Variants in KBTBD11 observed in about 807,000 individuals in gnomAD.
KBTBD11 encodes kelch repeat and BTB domain containing 11, also known as kelch repeat and BTB domain-containing protein 11.
For synonymous variants in KBTBD11, 747 were observed against 499.0 expected (o/e 1.50, Z -6.63); for missense variants, 1,390 against 1,001.8 (o/e 1.39, Z -5.23).
chr8:1,985,692 C>A (rs533158111), intron 1 of KBTBD11, among the ~76,000 whole-genome samples: 7 of 152,386 alleles, frequency 4.6e-5, no homozygotes, highest in Non-Finnish European at 1.0e-4. Flanking sequence ...GGTGCATTGG[C>A]TCATGCCTGT....
rs1817348042 is a variant in KBTBD11 at position 2,001,424 on chromosome 8, T to C, written c.232T>C (p.Trp78Arg). ...SGGPRVVERQWEAGSAGAASP... is the reference protein window; with the variant it reads ...SGGPRVVERQREAGSAGAASP... The stretch of plus-strand genomic sequence containing the variant: ...TGGCCCGCGGGTGGTGGAGCGGCAG[T>C]GGGAGGCCGGCAGCGCGGGCGCCGC... Residue 78 changes from tryptophan to arginine, a missense_variant, in exon 2 of 2, where the codon TGG becomes CGG. By Grantham distance (101) the Trp-to-Arg change is moderately radical. Transcript: ENST00000320248. 1 of 1,365,122 alleles carries C rather than the reference T, an allele frequency of 7.3e-7. No homozygotes were observed. The highest frequency in any genetic ancestry group is 9.4e-7 in the Non-Finnish European group (1 of 1,066,502). The allele number at this position is 1,365,122 out of a possible 1,614,324, so 84.6% of individuals were successfully genotyped here. A position where few individuals can be genotyped will look rare whatever the true frequency, so the allele number is the denominator to read the frequency against.
At chr8:1,996,711 A>G (rs1817155162) in intron 1 of KBTBD11, among the ~76,000 whole-genome samples, 5 of 152,210 alleles carry the variant, frequency 3.3e-5, no homozygotes, top group Admixed American at 3.3e-4. Context: ...AAAATAGAGC[A>G]TGATATTTTA....
rs1019567951 is a variant in KBTBD11 at position 2,006,410 on chromosome 8, C to G, written c.*3346C>G. On this transcript the variant is annotated 3_prime_UTR_variant, in exon 2 of 2. Transcript: ENST00000320248. ...TAATTTTAGATGCTTTCCTAGCTTA[C>G]AAAAAGTTCTGTTTTTGGGTTAAAA... 1 of 166,954 alleles carries G rather than the reference C, an allele frequency of 6.0e-6. No individual in the cohort carries two copies. The highest frequency in any genetic ancestry group is 1.5e-5 in the Non-Finnish European group (1 of 68,122). 10.3% of individuals were successfully genotyped at this position (166,954 alleles called of 1,614,324 possible).
At position 2,001,718 on chromosome 8, in the gene KBTBD11, G is replaced by C. The variant is rs763137446; in HGVS notation, c.526G>C (p.Val176Leu). 14 of 1,413,678 alleles carry C rather than the reference G, an allele frequency of 9.9e-6. No homozygotes were observed. Among genetic ancestry groups the C allele is most frequent in the Admixed American group, 2.9e-5 (1 of 34,578 alleles). 87.6% of individuals were successfully genotyped at this position (1,413,678 alleles called of 1,614,324 possible). A position where few individuals can be genotyped will look rare whatever the true frequency, so the allele number is the denominator to read the frequency against. ...RARASRDVLR[V>L]QGVSLTALRL... ...GCGCGCGTCGCGGGACGTGCTGCGG[G>C]TGCAGGGAGTGAGCCTGACGGCGCT... The change falls in exon 2 of 2, where the codon GTG becomes CTG. Residue 176 changes from valine (V) to leucine (L), a missense_variant. By Grantham distance (32) the Val-to-Leu change is conservative. Transcript: ENST00000320248.
chr8:1,997,601 G>A (rs955316892), intron 1 of KBTBD11, among the ~76,000 whole-genome samples: 3 of 152,216 alleles, frequency 2.0e-5, no homozygotes, highest in African/African-American at 4.8e-5. Context: ...GAGGGGCGGC[G>A]GAGGGCTCCC....
chr8:1,975,479 G>T (rs1264172896), intron 1 of KBTBD11, among the ~76,000 whole-genome samples: 1 of 152,226 alleles, frequency 6.6e-6, no homozygotes, highest in African/African-American at 2.4e-5. Context: ...ATTGCCTGCG[G>T]TATTGTGCAC....
Position 2,004,388 on chromosome 8 carries a change from AT to A in KBTBD11, c.*1327del, listed in dbSNP as rs1382260250. On this transcript the variant is annotated 3_prime_UTR_variant, in exon 2 of 2. Transcript: ENST00000320248. ...TCCATGCTCACAAATAGAGGCGAAC[AT>A]TTGAACTCCGAATCCAACCCATTTT... 6.0e-6 allele frequency: 1 copy of A among 166,890 alleles called. No homozygotes were observed. The highest frequency in any genetic ancestry group is 2.4e-5 in the African/African-American group (1 of 41,456). The allele number at this position is 166,890 out of a possible 1,614,324, so 10.3% of individuals were successfully genotyped here.
intron 1 of KBTBD11, among the ~76,000 whole-genome samples, chr8:1,992,095 C>A (rs1370959536): frequency 6.6e-6 from 1 of 152,058 alleles, no homozygotes; most frequent in Non-Finnish European, 1.5e-5. Flanking sequence ...CTGTTGCCAC[C>A]CAGGACACGC....
In KBTBD11 at chr8:2,006,671, A is replaced by C. The variant is rs1336812519; in HGVS notation, c.*3607A>C. ...CGCCAAGTGGATGGATTTGGATTGA[A>C]CGCATATGAAACAGGAGACGGGTTC... On this transcript the variant is annotated 3_prime_UTR_variant, in exon 2 of 2. Coordinates refer to ENST00000320248, the MANE Select transcript of KBTBD11 (RefSeq NM_014867.3). 4 of 167,084 alleles carry C rather than the reference A, an allele frequency of 2.4e-5. No individual in the cohort carries two copies. Among genetic ancestry groups the C allele is most frequent in the Non-Finnish European group, 4.4e-5 (3 of 68,122 alleles). The allele number at this position is 167,084 out of a possible 1,614,324, so 10.4% of individuals were successfully genotyped here.
rs972305843 is a variant in KBTBD11 at position 2,001,354 on chromosome 8, C to T, written c.162C>T (p.Leu54=). 4 of 1,494,252 alleles carry T rather than the reference C, an allele frequency of 2.7e-6. No individual in the cohort carries two copies. The highest frequency in any genetic ancestry group is 4.2e-5 in the Admixed American group (2 of 47,174). The allele number at this position is 1,494,252 out of a possible 1,614,324, so 92.6% of individuals were successfully genotyped here. A position where few individuals can be genotyped will look rare whatever the true frequency, so the allele number is the denominator to read the frequency against. The part of the protein sequence containing the change: ...SSGEESPPQS[L]ASAAEGAATS... The stretch of plus-strand genomic sequence containing the variant: ...GGGAAGAGTCCCCGCCGCAGTCCCT[C>T]GCCTCAGCGGCGGAAGGCGCGGCCA... The change falls in exon 2 of 2, where the codon CTC becomes CTT. Residue 54 remains leucine, a synonymous_variant. Coordinates refer to ENST00000320248, the MANE Select transcript of KBTBD11 (RefSeq NM_014867.3).
intron 1 of KBTBD11, among the ~76,000 whole-genome samples, chr8:1,994,964 C>G (rs1235187092): frequency 6.7e-6 from 1 of 149,488 alleles, no homozygotes; most frequent in African/African-American, 2.5e-5. Flanking sequence ...GAGGCTGAGG[C>G]AGGAGAATCC....
At chr8:1,993,391 GTCCATCCA>G (rs1204845271) in intron 1 of KBTBD11, among the ~76,000 whole-genome samples, 2 of 97,942 alleles carry the variant, frequency 2.0e-5, no homozygotes, top group Admixed American at 1.2e-4. Context: ...CCGTCCGTCC[GTCCATCCA>G]TCCATCCATC....
Position 2,000,360 on chromosome 8 carries a change from C to G in KBTBD11, c.-833C>G, listed in dbSNP as rs1817294018. 1.3e-5 allele frequency: 2 copies of G among 152,294 alleles called. No homozygotes were observed. Among genetic ancestry groups the G allele is most frequent in the Admixed American group, 6.5e-5 (1 of 15,278 alleles). 9.4% of individuals were successfully genotyped at this position (152,294 alleles called of 1,614,324 possible). A position where few individuals can be genotyped will look rare whatever the true frequency, so the allele number is the denominator to read the frequency against. ...GAAGCTGCAGAGGAAGGGTCCTGCC[C>G]CGTGAGCGAGGACAGCCTCCAGGAG... On this transcript the variant is annotated 5_prime_UTR_variant, in exon 2 of 2. Transcript: ENST00000320248.
Position 2,004,223 on chromosome 8 carries a change from C to G in KBTBD11, c.*1159C>G, listed in dbSNP as rs1221467705. The G allele has an allele frequency of 6.0e-6, 1 of 166,834 alleles. No homozygotes were observed. The highest frequency in any genetic ancestry group is 1.5e-5 in the Non-Finnish European group (1 of 68,106). The allele number at this position is 166,834 out of a possible 1,614,324, so 10.3% of individuals were successfully genotyped here. ...TGTATTGAATTGAGTTCCAAAATAC[C>G]CTAATAGAATTAACACGAGGCTCAC... On this transcript the variant is annotated 3_prime_UTR_variant, in exon 2 of 2. Transcript: ENST00000320248.
At chr8:1,977,322 A>T (rs2129307837) in intron 1 of KBTBD11, among the ~76,000 whole-genome samples, 1 of 152,260 alleles carries the variant, frequency 6.6e-6, no homozygotes, top group East Asian at 1.9e-4. Context: ...CACGGTGCCG[A>T]TGTTAGCTGG....
At position 2,002,210 on chromosome 8, in the gene KBTBD11, C is replaced by T; in HGVS notation, c.1018C>T (p.Leu340=). 1 of 1,262,038 alleles carries T rather than the reference C, an allele frequency of 7.9e-7. No homozygotes were observed. The highest frequency in any genetic ancestry group is 9.9e-7 in the Non-Finnish European group (1 of 1,007,514). 78.2% of individuals were successfully genotyped at this position (1,262,038 alleles called of 1,614,324 possible). The change falls in exon 2 of 2, where the codon CTG becomes TTG. Residue 340 remains leucine, a synonymous_variant. Coordinates refer to ENST00000320248, the MANE Select transcript of KBTBD11 (RefSeq NM_014867.3). This position sits in a 1 kb window ranked among gnomAD's most constrained non-coding sequence, Gnocchi z 4.1. ...FHAAAGEWRE[L]TRLPEGAPAR... is the part of the protein sequence containing the mutation. The stretch of plus-strand genomic sequence containing the variant: ...CGCGGCGGCCGGAGAGTGGCGCGAG[C>T]TGACGCGGCTGCCCGAGGGCGCGCC...
At chr8:1,992,948 T>C (rs1310807805) in intron 1 of KBTBD11, among the ~76,000 whole-genome samples, 1 of 152,096 alleles carries the variant, frequency 6.6e-6, no homozygotes, top group African/African-American at 2.4e-5. Context: ...GTTATTGTTA[T>C]TATTTTTGAG....
chr8:1,985,214 G>C (rs1451868053), intron 1 of KBTBD11, among the ~76,000 whole-genome samples: 1 of 152,258 alleles, frequency 6.6e-6, no homozygotes, highest in Non-Finnish European at 1.5e-5. Flanking sequence ...GCTCTTACAG[G>C]AGAGCACCTC....
In KBTBD11 at chr8:2,002,315, C is replaced by T. The variant is rs1229085685; in HGVS notation, c.1123C>T (p.Arg375Cys). ...CGTGGCGCCCGCGGGCCCCGACGGC[C>T]GCGCGCGCCCGTCCGACCAGGTCTT... Reference protein sequence around the residue: ...GGVAPAGPDGRARPSDQVFCY... With the variant: ...GGVAPAGPDGCARPSDQVFCY... Residue 375 changes from arginine (R) to cysteine (C), a missense_variant, in exon 2 of 2, where the codon CGC (arginine) becomes TGC (cysteine). Transcript: ENST00000320248. The surrounding 1 kb of genome is among the most constrained non-coding windows in gnomAD (Gnocchi z 4.1). The T allele has an allele frequency of 1.4e-5, 19 of 1,370,582 alleles. No homozygotes were observed. The highest frequency in any genetic ancestry group is 1.6e-5 in the Non-Finnish European group (17 of 1,070,288). The allele number at this position is 1,370,582 out of a possible 1,614,324, so 84.9% of individuals were successfully genotyped here.
Sources: gnomAD v4.1 joint callset for allele counts (sites outside exome capture counted in the v4.1 genomes callset) on GRCh38, gnomAD v4.1.1 for gene constraint, Gnocchi (gnomAD v3.1) non-coding constraint, MANE v1.5 for transcripts, NCBI Gene and HGNC (gene_info 2026-07-23, HGNC 2026-07-21) for gene names.